OSBPL8: variants seen among roughly 807,000 people sequenced by gnomAD.
OSBPL8 encodes oxysterol-binding protein-related protein 8.
OSBPL8 carries 59 observed loss-of-function variants against 125.5 expected under a neutral mutation model. The ratio of observed to expected loss-of-function variants is 0.47; its 90% confidence interval spans 0.38 to 0.58. The LOEUF is 0.58. OSBPL8 is among the 20% of genes least tolerant of loss of function. The pLI is 0.00. For missense variants in OSBPL8, 758 were observed against 1,047.8 expected, an observed-to-expected ratio of 0.72 and a Z score of 3.82; for synonymous variants, 330 against 338.9, an observed-to-expected ratio of 0.97 and a Z score of 0.29.
rs370717434 is a variant in OSBPL8 at position 76,369,570 on chromosome 12, T to C, written c.2240+67A>G. ...ATAAAAACTACTCCAGCAACAAATA[T>C]TCTAGAAATAAAGGCAACAAACCAT... On this transcript the variant is annotated intron_variant, in intron 20 of 23. Transcript: ENST00000261183. 32 of 1,485,416 alleles carry C rather than the reference T, an allele frequency of 2.2e-5. No homozygotes were observed. In the East Asian group the frequency reaches 5.5e-4, roughly 25 times the overall value. The allele number at this position is 1,485,416 out of a possible 1,614,324, so 92.0% of individuals were successfully genotyped here. A position where few individuals can be genotyped will look rare whatever the true frequency, so the allele number is the denominator to read the frequency against.
chr12:76,507,842 G>A (rs973752317), intron 1 of OSBPL8, among the ~76,000 whole-genome samples: 3 of 148,264 alleles, frequency 2.0e-5, no homozygotes, highest in Non-Finnish European at 3.0e-5. Context: ...CAAAAATGCT[G>A]AGCCATGAAT....
At chr12:76,441,283 A>C (rs764106886) in intron 4 of OSBPL8, among the ~76,000 whole-genome samples, 1 of 152,182 alleles carries the variant, frequency 6.6e-6, no homozygotes, top group Non-Finnish European at 1.5e-5. Context: ...CTTTACCTGG[A>C]AAGAGATCAA....
intron 21 of OSBPL8, among the ~76,000 whole-genome samples, chr12:76,366,244 A>G (rs1452579596): frequency 6.6e-6 from 1 of 152,140 alleles, no homozygotes; most frequent in Non-Finnish European, 1.5e-5. Context: ...TACTGATTCA[A>G]TCTCTTTATT....
rs1952616428 is a variant in OSBPL8, at chr12:76,371,483, TAC to T, written c.2017_2018del (p.Val673LysfsTer3). The T allele has an allele frequency of 6.2e-7, 1 of 1,608,464 alleles. No individual in the cohort carries two copies. Among genetic ancestry groups the T allele is most frequent in the Admixed American group, 1.7e-5 (1 of 59,558 alleles). On this transcript the variant is annotated frameshift_variant, in exon 19 of 24. Transcript: ENST00000261183. LOFTEE classifies it high-confidence loss of function. ...CAAAATCTCCCTGTTCTTCAAATTT[TAC>T]AGTGTGCCTTATTAATCTCCATTGC... ...IKQWRLIRHT[V>X]KFEEQGDFES...
intron 1 of OSBPL8, among the ~76,000 whole-genome samples, chr12:76,555,356 A>C (rs973906321): frequency 6.6e-6 from 1 of 151,714 alleles, no homozygotes; most frequent in Non-Finnish European, 1.5e-5. Context: ...AACATTAAGC[A>C]GTAATACAAT....
At chr12:76,460,165 CTAAG>C (rs1428399452) in intron 2 of OSBPL8, among the ~76,000 whole-genome samples, 1 of 152,010 alleles carries the variant, frequency 6.6e-6, no homozygotes, top group Non-Finnish European at 1.5e-5. Flanking sequence ...AATGGATCAC[CTAAG>C]TATTTTGTTT....
intron 1 of OSBPL8, among the ~76,000 whole-genome samples, chr12:76,511,176 G>A (rs1483194515): frequency 1.3e-5 from 2 of 152,140 alleles, no homozygotes; most frequent in Non-Finnish European, 2.9e-5. Context: ...CCGTGTCTTC[G>A]CCATTATGAA....
intron 2 of OSBPL8, among the ~76,000 whole-genome samples, chr12:76,470,745 G>A (rs1439844722): frequency 2.0e-5 from 3 of 152,108 alleles, no homozygotes; most frequent in Admixed American, 6.6e-5. Context: ...ACATGGAAAC[G>A]TCAACCCCCA....
At chr12:76,465,473 T>C (rs1020792460) in intron 2 of OSBPL8, among the ~76,000 whole-genome samples, 2 of 151,984 alleles carry the variant, frequency 1.3e-5, no homozygotes, top group East Asian at 3.9e-4. Flanking sequence ...GGCAGGAGAA[T>C]GGCATGAACC....
At chr12:76,548,869 A>G (rs1791497453) in intron 1 of OSBPL8, among the ~76,000 whole-genome samples, 1 of 152,206 alleles carries the variant, frequency 6.6e-6, no homozygotes, top group Non-Finnish European at 1.5e-5. Context: ...GCACATAAGG[A>G]AAACTGAGCA....
At chr12:76,471,665 C>A (rs1876152101) in intron 2 of OSBPL8, among the ~76,000 whole-genome samples, 1 of 152,184 alleles carries the variant, frequency 6.6e-6, no homozygotes, top group African/African-American at 2.4e-5. Flanking sequence ...CCACAGCCTA[C>A]CAAAATTGGA....
rs1952420399 is a variant in OSBPL8, at chr12:76,366,478, A to G, written c.2328+2736T>C. 1.2e-5 allele frequency: 4 copies of G among 344,606 alleles called. No homozygotes were observed. The Admixed American group carries it at 1.2e-4, about 10-fold the overall frequency. The allele number at this position is 344,606 out of a possible 1,614,324, so 21.3% of individuals were successfully genotyped here. A position where few individuals can be genotyped will look rare whatever the true frequency, so the allele number is the denominator to read the frequency against. ...TGGTTTATCGATTTTGTTGATTTTT[A>G]TCAAAGAGCAACTTTTGGTTTGGTT... On this transcript the variant is annotated intron_variant, in intron 21 of 23. Transcript: ENST00000261183.
chr12:76,399,168 A>G (rs999878781), intron 7 of OSBPL8, among the ~76,000 whole-genome samples: 5 of 152,206 alleles, frequency 3.3e-5, no homozygotes, highest in South Asian at 2.1e-4. Context: ...GGGGAGTCCT[A>G]TGACAGATTT....
At chr12:76,441,313 T>C (rs774284516) in intron 4 of OSBPL8, among the ~76,000 whole-genome samples, 30 of 152,316 alleles carry the variant, frequency 2.0e-4, no homozygotes, top group Non-Finnish European at 2.9e-4. Context: ...ATTTCATTGT[T>C]TCATTCTTAA....
At chr12:76,400,055 G>T in intron 6 of OSBPL8, 81 bp from the exon 7 acceptor site, 1 of 1,034,686 alleles carries the variant, frequency 9.7e-7, no homozygotes, top group Non-Finnish European at 1.4e-6. Context: ...ACAAATGCAG[G>T]TTTGTTATAT....
intron 1 of OSBPL8, among the ~76,000 whole-genome samples, chr12:76,559,146 C>A (rs549952442): frequency 6.6e-6 from 1 of 152,318 alleles, no homozygotes; most frequent in African/African-American, 2.4e-5. Flanking sequence ...CCAACAGCCT[C>A]CCACCCCCGT....
chr12:76,511,318 A>G (rs1386849572), intron 1 of OSBPL8, among the ~76,000 whole-genome samples: 1 of 152,200 alleles, frequency 6.6e-6, no homozygotes, highest in Non-Finnish European at 1.5e-5. Context: ...AGGACTCACC[A>G]TACTGCTTTC....
intron 4 of OSBPL8, among the ~76,000 whole-genome samples, chr12:76,436,049 A>G (rs1871401739): frequency 6.6e-6 from 1 of 152,144 alleles, no homozygotes; most frequent in South Asian, 2.1e-4. Context: ...CATTCTCTCT[A>G]AGCATGAAAA....
chr12:76,417,084 C>A (rs1291212614), intron 4 of OSBPL8, among the ~76,000 whole-genome samples: 1 of 152,182 alleles, frequency 6.6e-6, no homozygotes, highest in East Asian at 1.9e-4. Flanking sequence ...TATTGCAAAT[C>A]TCTCTCTCTT....
Sources: allele counts gnomAD v4.1 joint callset (sites outside exome capture counted in the v4.1 genomes callset), GRCh38; gene constraint gnomAD v4.1.1; transcripts MANE v1.5; gene names NCBI Gene and HGNC (gene_info 2026-07-23, HGNC 2026-07-21).